The following DAB2IP variants were observed in gnomAD, a reference collection of about 807,000 sequenced individuals.
DAB2IP encodes DAB2 interacting protein, also known as disabled homolog 2-interacting protein.
Under a neutral mutation model 107.2 loss-of-function variants are expected in DAB2IP, and 28 were observed. That is an observed-to-expected ratio of 0.26 (90% CI 0.19 to 0.36). The LOEUF (loss-of-function observed/expected upper bound fraction) is 0.36, where lower values mean the gene tolerates loss of function less well. DAB2IP is among the 10% of genes least tolerant of loss of function. The probability of loss-of-function intolerance (pLI) is 1.00; values close to 1 mark genes in which losing one functional copy is unlikely to be tolerated. For missense variants in DAB2IP, 1,400 were observed against 1,644.7 expected, an observed-to-expected ratio of 0.85 and a Z score of 2.57; for synonymous variants, 755 against 706.4, an observed-to-expected ratio of 1.07 and a Z score of -1.09.
At position 121,702,290 on chromosome 9, in the gene DAB2IP, C is replaced by T. The variant is rs1418101685; in HGVS notation, c.362+2832C>T. Among the ~76,000 whole-genome samples the T allele has an allele frequency of 6.6e-6, 1 of 151,926 alleles. No individual in the cohort carries two copies. The highest frequency in any genetic ancestry group is 1.9e-4 in the East Asian group (1 of 5,188). The stretch of plus-strand genomic sequence containing the variant: ...TTTTTTGGCTCCCTGGAAAAGGAGT[C>T]GGTTTCAGGGGTGGGGATGCCGAAC... On this transcript the variant is annotated intron_variant, in intron 3 of 15. Transcript: ENST00000408936. This position sits in a 1 kb window ranked among gnomAD's most constrained non-coding sequence, Gnocchi z 4.5.
chr9:121,638,479 A>G (rs1832165477), intron 1 of DAB2IP, among the ~76,000 whole-genome samples: 1 of 152,108 alleles, frequency 6.6e-6, no homozygotes, highest in African/African-American at 2.4e-5. Context: ...AGGCGCAGGG[A>G]GCTCAGAGAG....
rs1249872876 is a variant in DAB2IP at position 121,698,699 on chromosome 9, CG to C, written c.229-622del. ...TCTGGGAAGGAAAGTCGCCCGGAATCGGGGTCTAAGTGGCCAGGGCACTGCC... is the reference window on the plus strand; with the variant it reads ...TCTGGGAAGGAAAGTCGCCCGGAATCGGGTCTAAGTGGCCAGGGCACTGCC... On this transcript the variant is annotated intron_variant, in intron 2 of 15. Transcript: ENST00000408936. This position sits in a 1 kb window ranked among gnomAD's most constrained non-coding sequence, Gnocchi z 4.1. Among the ~76,000 whole-genome samples, 1 of 152,214 alleles carries C rather than the reference CG, an allele frequency of 6.6e-6. No homozygotes were observed. Among genetic ancestry groups the C allele is most frequent in the Non-Finnish European group, 1.5e-5 (1 of 68,034 alleles).
chr9:121,574,209 G>A (rs1026539798), intron 1 of DAB2IP, among the ~76,000 whole-genome samples: 3 of 152,040 alleles, frequency 2.0e-5, no homozygotes, highest in African/African-American at 4.8e-5. Flanking sequence ...CCATCGTCTC[G>A]CTTCCCCTGC....
At chr9:121,656,904 G>A (rs919218251) in intron 1 of DAB2IP, among the ~76,000 whole-genome samples, 4 of 152,322 alleles carry the variant, frequency 2.6e-5, no homozygotes, top group Non-Finnish European at 4.4e-5. Flanking sequence ...TGCGATATCC[G>A]TGGGCAGGCA....
In DAB2IP at chr9:121,783,215, G is replaced by T. The variant is rs200170624; in HGVS notation, c.*717G>T. 1.0e-3 allele frequency: 1,265 copies of T among 1,216,492 alleles called. 2 individuals are homozygous for T. The highest frequency in any genetic ancestry group is 1.2e-3 in the Non-Finnish European group (1,195 of 968,192). The allele number at this position is 1,216,492 out of a possible 1,614,324, so 75.4% of individuals were successfully genotyped here. On this transcript the variant is annotated 3_prime_UTR_variant, in exon 16 of 16. Transcript: ENST00000408936. ...GTATTGCCAGATAGACCCAGTGAGG[G>T]CCATGGCTTTTTCTTGTGAGCTCTT...
intron 1 of DAB2IP, among the ~76,000 whole-genome samples, chr9:121,573,944 A>G (rs1046531264): frequency 2.6e-5 from 4 of 152,086 alleles, no homozygotes; most frequent in Admixed American, 6.5e-5. Flanking sequence ...GGGAGCGTTC[A>G]CTGAAGCAGC....
At chr9:121,692,295 A>T (rs756610840) in intron 2 of DAB2IP, among the ~76,000 whole-genome samples, 1 of 151,990 alleles carries the variant, frequency 6.6e-6, no homozygotes, top group African/African-American at 2.4e-5. Flanking sequence ...GTGTGTGCTG[A>T]TCAATGTGTA....
In DAB2IP at chr9:121,755,344, A is replaced by G. The variant is rs144086608; in HGVS notation, c.363-1669A>G. On this transcript the variant is annotated intron_variant, in intron 3 of 15. Coordinates refer to ENST00000408936, the Ensembl canonical transcript of DAB2IP. The stretch of plus-strand genomic sequence containing the variant: ...GCAGAGGCACATGCTGGGCTTGTCC[A>G]TGGGCTTAGGCCACAACGGGAAGCC... Among the ~76,000 whole-genome samples, 1,068 of 152,310 alleles carry G rather than the reference A, an allele frequency of 7.0e-3. 10 individuals are homozygous for G. Among genetic ancestry groups the G allele is most frequent in the South Asian group, 0.029 (141 of 4,828 alleles).
At chr9:121,603,148 C>T (rs1327416214) in intron 1 of DAB2IP, among the ~76,000 whole-genome samples, 1 of 152,210 alleles carries the variant, frequency 6.6e-6, no homozygotes, top group Non-Finnish European at 1.5e-5. Context: ...GCCTGCATCT[C>T]GCGGGGAGAG....
Position 121,572,516 on chromosome 9 carries a change from G to A in DAB2IP, c.40+5288G>A, listed in dbSNP as rs146125561. On this transcript the variant is annotated intron_variant, in intron 1 of 16. Coordinates refer to the DAB2IP transcript ENST00000259371. ...ATCCTTAGGCATCCTCCCCGACTCT[G>A]GACTTCTGGTTCCTTAGCTGTCAGC... 2.3e-3 allele frequency among the ~76,000 whole-genome samples: 346 copies of A among 152,272 alleles called. 1 individual carries two copies. The highest frequency in any genetic ancestry group is 8.1e-3 in the African/African-American group (335 of 41,532).
chr9:121,657,465 CT>C (rs1833014708), intron 1 of DAB2IP, among the ~76,000 whole-genome samples: 13 of 152,226 alleles, frequency 8.5e-5, no homozygotes, highest in Admixed American at 8.5e-4. Context: ...AGAGCTCCCC[CT>C]GATTACCTCA....
intron 3 of DAB2IP, among the ~76,000 whole-genome samples, chr9:121,738,270 G>A (rs537272104): frequency 2.4e-4 from 36 of 152,284 alleles, no homozygotes; most frequent in Non-Finnish European, 4.4e-4. Flanking sequence ...GGAAACTGCC[G>A]GTGCCCCTGT....
intron 1 of DAB2IP, among the ~76,000 whole-genome samples, chr9:121,592,365 CAA>C (rs999409255): frequency 1.5e-5 from 2 of 134,894 alleles, no homozygotes; most frequent in Admixed American, 7.6e-5. Context: ...GACTCCATCT[CAA>C]AAAAAAAAAA....
In DAB2IP at chr9:121,632,217, C is replaced by T. The variant is rs1106007; in HGVS notation, c.41-46461C>T. Reference sequence around the variant, plus strand: ...TGCGAATTAATTTGCTCATCTAAGACGCACGGTGATAGCAGCACCTGTCTC... The same window carrying T: ...TGCGAATTAATTTGCTCATCTAAGATGCACGGTGATAGCAGCACCTGTCTC... On this transcript the variant is annotated intron_variant, in intron 1 of 16. Transcript: ENST00000259371. Among the ~76,000 whole-genome samples the T allele has an allele frequency of 1.7e-3, 266 of 152,306 alleles. 6 individuals carry two copies. The East Asian group carries it at 0.047, about 27-fold the overall frequency.
intron 1 of DAB2IP, among the ~76,000 whole-genome samples, chr9:121,605,841 T>C (rs1830851861): frequency 1.3e-5 from 2 of 152,132 alleles, no homozygotes; most frequent in East Asian, 1.9e-4. Context: ...TAAAAAGTAC[T>C]TGTGAAGGGC....
chr9:121,613,997 G>A (rs1831179856), intron 1 of DAB2IP, among the ~76,000 whole-genome samples: 1 of 152,176 alleles, frequency 6.6e-6, no homozygotes. Context: ...ATAAAGACAT[G>A]GGGTTGAAAC....
chr9:121,704,343 A>C lies in DAB2IP; in HGVS notation c.362+4885A>C, dbSNP rs142579715. 1.3e-3 allele frequency among the ~76,000 whole-genome samples: 198 copies of C among 152,350 alleles called. 1 individual carries two copies. Among genetic ancestry groups the C allele is most frequent in the African/African-American group, 4.6e-3 (190 of 41,582 alleles). On this transcript the variant is annotated intron_variant, in intron 3 of 15. Transcript: ENST00000408936. ...ACCCTTCAAAACATTGGATGTCATCATTAAAGCAGTCTTTATCGTTTGGAT... is the reference window on the plus strand; with the variant it reads ...ACCCTTCAAAACATTGGATGTCATCCTTAAAGCAGTCTTTATCGTTTGGAT...
intron 1 of DAB2IP, among the ~76,000 whole-genome samples, chr9:121,677,565 T>C (rs1445692799): frequency 6.6e-6 from 1 of 152,122 alleles, no homozygotes; most frequent in African/African-American, 2.4e-5. Context: ...TCCCCAAGTG[T>C]GGCATCCCAG....
intron 1 of DAB2IP, among the ~76,000 whole-genome samples, chr9:121,646,489 AC>A (rs1266562437): frequency 1.6e-3 from 59 of 37,496 alleles, no homozygotes; most frequent in African/African-American, 5.9e-3. Context: ...GTGTCCCGCC[AC>A]CCCCCCCACC....
Sources: allele counts gnomAD v4.1 joint callset (sites outside exome capture counted in the v4.1 genomes callset), GRCh38; gene constraint gnomAD v4.1.1; non-coding constraint Gnocchi (gnomAD v3.1); transcripts MANE v1.5; gene names NCBI Gene and HGNC (gene_info 2026-07-23, HGNC 2026-07-21).